The following CDH13 variants were observed in gnomAD, a reference collection of about 807,000 sequenced individuals.
The protein encoded by CDH13 is cadherin 13.
A neutral mutation model predicts 63.8 loss-of-function variants in CDH13; 24 were observed. The observed-to-expected ratio is 0.38, with a 90% CI of 0.27 to 0.53. The LOEUF (loss-of-function observed/expected upper bound fraction) is 0.53, where lower values mean the gene tolerates loss of function less well. Among genes scored for constraint, CDH13 ranks in the 20% least tolerant of loss-of-function variants. The probability of loss-of-function intolerance (pLI) is 0.85; values close to 1 mark genes in which losing one functional copy is unlikely to be tolerated. For synonymous variants in CDH13, 503 were observed against 355.3 expected (o/e 1.42, Z -4.67); for missense variants, 1,049 against 903.1 (o/e 1.16, Z -2.07).
chr16:82,798,367 C>T (rs930925126), intron 1 of CDH13, among the ~76,000 whole-genome samples: 1 of 152,186 alleles, frequency 6.6e-6, no homozygotes, highest in Non-Finnish European at 1.5e-5. Context: ...AATATTCATG[C>T]ACCAGATGAA....
At chr16:83,022,382 C>T (rs183175426) in intron 2 of CDH13, among the ~76,000 whole-genome samples, 1 of 152,330 alleles carries the variant, frequency 6.6e-6, no homozygotes, top group Admixed American at 6.5e-5. Flanking sequence ...TGCTCTGGGG[C>T]AGTTCCTATC....
chr16:83,718,780 C>T (rs919810159), intron 10 of CDH13, among the ~76,000 whole-genome samples: 6 of 152,148 alleles, frequency 3.9e-5, no homozygotes, highest in African/African-American at 1.2e-4. Flanking sequence ...TCAACATTTT[C>T]CTTTTGCTAA....
chr16:82,699,605 C>T (rs1179414796), intron 1 of CDH13, among the ~76,000 whole-genome samples: 1 of 152,226 alleles, frequency 6.6e-6, no homozygotes, highest in Non-Finnish European at 1.5e-5. Flanking sequence ...AGAGAATGTG[C>T]ATAAAACAAG....
At chr16:82,891,326 C>T (rs933497980) in intron 2 of CDH13, among the ~76,000 whole-genome samples, 1 of 152,122 alleles carries the variant, frequency 6.6e-6, no homozygotes, top group African/African-American at 2.4e-5. Flanking sequence ...GATTTCCCAT[C>T]CTCTTTTTAT....
chr16:83,445,685 A>T (rs577779950), intron 6 of CDH13, among the ~76,000 whole-genome samples: 2 of 152,214 alleles, frequency 1.3e-5, no homozygotes, highest in African/African-American at 4.8e-5. Context: ...TTCTGAATAG[A>T]TGTTTTCATC....
rs749237040 is a variant in CDH13 at position 83,602,503 on chromosome 16, C to A, written c.1010C>A (p.Ala337Asp). ...YELIIEAQDM[A>D]GLDVGLTGTA... The stretch of plus-strand genomic sequence containing the variant: ...CTGATCATCGAGGCTCAAGATATGG[C>A]TGGACTGGATGTTGGATTAACAGGC... The change falls in exon 8 of 14, where the codon GCT becomes GAT. Residue 337 changes from alanine (A) to aspartate (D), a missense_variant. Coordinates refer to ENST00000567109, the MANE Select transcript of CDH13 (RefSeq NM_001257.5). The A allele has an allele frequency of 1.2e-6, 2 of 1,613,804 alleles. No individual in the cohort carries two copies. The highest frequency in any genetic ancestry group is 1.7e-6 in the Non-Finnish European group (2 of 1,179,724).
At chr16:83,519,676 A>AGCCTAAAATATTCTAGC (rs2074783422) in intron 7 of CDH13, among the ~76,000 whole-genome samples, 1 of 152,178 alleles carries the variant, frequency 6.6e-6, no homozygotes, top group Non-Finnish European at 1.5e-5. Context: ...TTTTTTATAG[A>AGCCTAAAATATTCTAGC]GCCTAAAATA....
At chr16:83,467,474 AGC>A in intron 6 of CDH13, among the ~76,000 whole-genome samples, 1 of 152,046 alleles carries the variant, frequency 6.6e-6, no homozygotes, top group African/African-American at 2.4e-5. Flanking sequence ...GAGATTTAGG[AGC>A]TGGCGCCTTA....
chr16:82,877,177 T>C (rs1438838316), intron 2 of CDH13, among the ~76,000 whole-genome samples: 1 of 152,162 alleles, frequency 6.6e-6, no homozygotes, highest in South Asian at 2.1e-4. Flanking sequence ...AGGAAGATGA[T>C]TGGTATTGGG....
At chr16:83,791,225 G>A (rs938448365) in intron 13 of CDH13, among the ~76,000 whole-genome samples, 6 of 152,180 alleles carry the variant, frequency 3.9e-5, no homozygotes, top group African/African-American at 9.7e-5. Flanking sequence ...GACCAGGCAC[G>A]GTGGCTCACG....
At chr16:82,801,936 C>T (rs2036873538) in intron 1 of CDH13, among the ~76,000 whole-genome samples, 1 of 152,116 alleles carries the variant, frequency 6.6e-6, no homozygotes, top group Admixed American at 6.5e-5. Context: ...CAGGAAACTA[C>T]AGTAAGGAGT....
At chr16:83,378,197 C>T (rs2091491503) in intron 6 of CDH13, among the ~76,000 whole-genome samples, 1 of 152,148 alleles carries the variant, frequency 6.6e-6, no homozygotes, top group East Asian at 1.9e-4. Context: ...TCGGTCTCAT[C>T]CTGAAACAAC....
chr16:83,299,647 C>G (rs1002396076), intron 5 of CDH13, among the ~76,000 whole-genome samples: 4 of 152,286 alleles, frequency 2.6e-5, no homozygotes, highest in South Asian at 2.1e-4. Flanking sequence ...ATCTCTTAAC[C>G]TCCTCTCATT....
At chr16:83,635,681 A>G (rs1464334998) in intron 8 of CDH13, among the ~76,000 whole-genome samples, 2 of 151,880 alleles carry the variant, frequency 1.3e-5, no homozygotes, top group African/African-American at 2.4e-5. Context: ...GAGTGTTGAG[A>G]GTCTTTTATG....
At chr16:82,648,638 C>G (rs1428589652) in intron 1 of CDH13, among the ~76,000 whole-genome samples, 1 of 152,168 alleles carries the variant, frequency 6.6e-6, no homozygotes. Flanking sequence ...TTATCAAAAT[C>G]CTAACTGCAA....
chr16:82,905,993 CAT>C lies in CDH13; in HGVS notation c.157+47523_157+47524del, dbSNP rs548379315. Reference sequence around the variant, plus strand: ...TATACTCTGACTTTGAAAAAATACACATATGTGTATGTTTATATAAGTATATG... The same window carrying C: ...TATACTCTGACTTTGAAAAAATACACATGTGTATGTTTATATAAGTATATG... On this transcript the variant is annotated intron_variant, in intron 2 of 13. Transcript: ENST00000567109. 3.4e-3 allele frequency among the ~76,000 whole-genome samples: 516 copies of C among 152,234 alleles called. 2 individuals carry two copies. Among genetic ancestry groups the C allele is most frequent in the African/African-American group, 0.012 (484 of 41,528 alleles).
chr16:82,954,442 C>T (rs906094678), intron 2 of CDH13: 3 of 152,040 alleles, frequency 2.0e-5, no homozygotes, highest in East Asian at 1.9e-4. Flanking sequence ...GCTGCACTTC[C>T]GTCCTACAAG....
At chr16:82,753,679 CTG>C (rs1417491216) in intron 1 of CDH13, among the ~76,000 whole-genome samples, 2 of 152,218 alleles carry the variant, frequency 1.3e-5, no homozygotes, top group African/African-American at 2.4e-5. Context: ...AGCTTGCTGA[CTG>C]TGAGCACGTC....
chr16:82,751,703 T>TTAAAAAA (rs1351552337), intron 1 of CDH13, among the ~76,000 whole-genome samples: 10 of 139,920 alleles, frequency 7.1e-5, no homozygotes, highest in African/African-American at 2.3e-4. Context: ...GGAAAACAGG[T>TTAAAAAA]AAAAAAAAAA....
Sources: allele counts gnomAD v4.1 joint callset (sites outside exome capture counted in the v4.1 genomes callset), GRCh38; gene constraint gnomAD v4.1.1; transcripts MANE v1.5; gene names NCBI Gene and HGNC (gene_info 2026-07-23, HGNC 2026-07-21).